Variants in GAB2 observed in about 807,000 individuals in gnomAD.
GAB2 encodes GRB2-associated-binding protein 2.
GAB2 carries 26 observed loss-of-function variants against 65.5 expected under a neutral mutation model. The ratio of observed to expected loss-of-function variants is 0.40; its 90% CI spans 0.29 to 0.55. The LOEUF (loss-of-function observed/expected upper bound fraction) is 0.55, where lower values mean the gene tolerates loss of function less well. Among genes scored for constraint, GAB2 ranks in the 20% least tolerant of loss-of-function variants. The probability of loss-of-function intolerance (pLI) is 0.53; values close to 1 mark genes in which losing one functional copy is unlikely to be tolerated. For synonymous variants in GAB2, 321 were observed against 329.6 expected, an observed-to-expected ratio of 0.97 and a Z score of 0.28; for missense variants, 884 against 875.8, an observed-to-expected ratio of 1.01 and a Z score of -0.12.
intron 1 of GAB2, among the ~76,000 whole-genome samples, chr11:78,365,016 C>G (rs1218916198): frequency 6.6e-6 from 1 of 151,946 alleles, no homozygotes; most frequent in African/African-American, 2.4e-5. Context: ...TTTTGGGGAA[C>G]AGGTGTTATT....
At chr11:78,263,588 G>A (rs866143361) in intron 2 of GAB2, among the ~76,000 whole-genome samples, 5 of 149,814 alleles carry the variant, frequency 3.3e-5, no homozygotes, top group Middle Eastern at 6.9e-3. Context: ...AGCCGAGATC[G>A]CGCCACTGCA....
intron 3 of GAB2, among the ~76,000 whole-genome samples, chr11:78,227,445 A>G (rs144872646): frequency 1.6e-3 from 251 of 152,264 alleles, no homozygotes; most frequent in African/African-American, 5.6e-3. Context: ...CTCTGAGTCT[A>G]TTCTGCCACT....
intron 1 of GAB2, among the ~76,000 whole-genome samples, chr11:78,415,309 G>A (rs949284849): frequency 6.6e-6 from 1 of 152,188 alleles, no homozygotes; most frequent in East Asian, 1.9e-4. Flanking sequence ...CGCCTATGAT[G>A]TATACCAGAA....
chr11:78,272,536 A>T (rs1200978917), intron 2 of GAB2, among the ~76,000 whole-genome samples: 1 of 152,170 alleles, frequency 6.6e-6, no homozygotes, highest in Non-Finnish European at 1.5e-5. Context: ...GGGGGAAGAA[A>T]TTTCTAAGAA....
At chr11:78,265,117 C>T (rs1476993664) in intron 2 of GAB2, among the ~76,000 whole-genome samples, 2 of 151,524 alleles carry the variant, frequency 1.3e-5, no homozygotes, top group African/African-American at 4.8e-5. Context: ...TTATCCAAGA[C>T]CACGTTTAGA....
At chr11:78,229,023 T>C (rs1864764314) in intron 3 of GAB2, among the ~76,000 whole-genome samples, 1 of 152,192 alleles carries the variant, frequency 6.6e-6, no homozygotes, top group South Asian at 2.1e-4. Flanking sequence ...AGATGCCACC[T>C]GCCCAGTGAG....
intron 4 of GAB2, among the ~76,000 whole-genome samples, chr11:78,226,199 G>A (rs577079124): frequency 1.1e-3 from 162 of 152,236 alleles, no homozygotes; most frequent in African/African-American, 3.8e-3. Flanking sequence ...TTATACTGTG[G>A]TTAATCAAGA....
intron 1 of GAB2, among the ~76,000 whole-genome samples, chr11:78,357,837 A>T (rs1032611827): frequency 1.3e-5 from 2 of 152,210 alleles, no homozygotes; most frequent in South Asian, 4.1e-4. Context: ...ACACTTTTAC[A>T]CTGTTGGTGG....
At chr11:78,300,695 G>GTTTTTTTTTTTTTTTT (rs769243672) in intron 1 of GAB2, among the ~76,000 whole-genome samples, 2 of 113,252 alleles carry the variant, frequency 1.8e-5, no homozygotes, top group East Asian at 2.9e-4. Flanking sequence ...GTTTTTTTTT[G>GTTTTTTTTTTTTTTTT]TTTTTTTTTT....
At chr11:78,364,645 C>T (rs1434928851) in intron 1 of GAB2, among the ~76,000 whole-genome samples, 1 of 152,144 alleles carries the variant, frequency 6.6e-6, no homozygotes, top group Non-Finnish European at 1.5e-5. Context: ...AGCCATCCCC[C>T]CAAATTCCTC....
chr11:78,223,586 T>C lies in GAB2; in HGVS notation c.1393A>G (p.Met465Val), dbSNP rs1242792675. 1 of 1,613,792 alleles carries C rather than the reference T, an allele frequency of 6.2e-7. No homozygotes were observed. The highest frequency in any genetic ancestry group is 1.1e-5 in the South Asian group (1 of 91,002). Residue 465 changes from methionine (M) to valine (V), a missense_variant, in exon 6 of 10, where the codon ATG becomes GTG. Physicochemically the swap from Met to Val is conservative, Grantham distance 21. Coordinates refer to ENST00000361507, the MANE Select transcript of GAB2 (RefSeq NM_080491.3). ...TGGGAATTATCACCTGCTCGTTCCA[T>C]GGCCAACAGGGTGGAAGAACCTGGA... ...MNPGSSTLLA[M>V]ERAGDNSQSV...
intron 1 of GAB2, among the ~76,000 whole-genome samples, chr11:78,401,665 GTATATA>G (rs1337226328): frequency 6.6e-6 from 1 of 152,018 alleles, no homozygotes; most frequent in East Asian, 1.9e-4. Context: ...GTGCGTGTGT[GTATATA>G]TATGTATACC....
Position 78,292,897 on chromosome 11 carries a change from C to CA in GAB2, c.76-11997dup, listed in dbSNP as rs370346920. ...TGCAAGGTAAATAGGATCCTCTTAA[C>CA]AGGTGAGGAAAAAGAAGTTCATAGA... On this transcript the variant is annotated intron_variant, in intron 1 of 9. Coordinates refer to ENST00000361507, the MANE Select transcript of GAB2 (RefSeq NM_080491.3). Among the ~76,000 whole-genome samples, 481 of 152,234 alleles carry CA rather than the reference C, an allele frequency of 3.2e-3. 1 individual carries two copies. The highest frequency in any genetic ancestry group is 0.01 in the Middle Eastern group (3 of 294).
intron 1 of GAB2, among the ~76,000 whole-genome samples, chr11:78,360,038 A>G (rs182772020): frequency 2.6e-3 from 396 of 152,326 alleles, no homozygotes; most frequent in Non-Finnish European, 4.3e-3. Flanking sequence ...ACAGAGGGAC[A>G]GAAGAGAGAG....
chr11:78,255,735 C>T (rs901219094), intron 2 of GAB2, among the ~76,000 whole-genome samples: 11 of 152,232 alleles, frequency 7.2e-5, no homozygotes, highest in Admixed American at 6.5e-4. Flanking sequence ...GGAGTACATT[C>T]TACATGGCCA....
chr11:78,276,682 T>G (rs1000145139), intron 2 of GAB2, among the ~76,000 whole-genome samples: 1 of 152,218 alleles, frequency 6.6e-6, no homozygotes, highest in Non-Finnish European at 1.5e-5. Flanking sequence ...AATGTGTGAA[T>G]GAACAAATGA....
intron 1 of GAB2, among the ~76,000 whole-genome samples, chr11:78,416,095 A>AATAT (rs1265939484): frequency 1.3e-5 from 2 of 152,202 alleles, no homozygotes; most frequent in African/African-American, 4.8e-5. Context: ...TCCTAATTAA[A>AATAT]ATATTCAACC....
rs761747066 is a variant in GAB2, at chr11:78,226,937, G to C, written c.735C>G (p.Val245=). 1.2e-6 allele frequency: 2 copies of C among 1,613,774 alleles called. No individual in the cohort carries two copies. Among genetic ancestry groups the C allele is most frequent in the Non-Finnish European group, 1.7e-6 (2 of 1,179,746 alleles). The change falls in exon 4 of 10, where the codon GTC becomes GTG. Residue 245 remains valine (V), a synonymous_variant. Transcript: ENST00000361507. ...GCTTGGGAAGGCTATAGAAGCCATG[G>C]ACTTGACCACTGATCCCGTTGACAC... ...GHCVNGISGQ[V]HGFYSLPKPS... is the part of the protein sequence containing the mutation.
chr11:78,221,150 T>A (rs530991813), intron 8 of GAB2, among the ~76,000 whole-genome samples: 11 of 152,244 alleles, frequency 7.2e-5, no homozygotes, highest in Non-Finnish European at 1.6e-4. Flanking sequence ...GTGATAGTCC[T>A]GTGTTCTGTT....
Sources: gnomAD v4.1 joint callset for allele counts (sites outside exome capture counted in the v4.1 genomes callset) on GRCh38, gnomAD v4.1.1 for gene constraint, MANE v1.5 for transcripts, NCBI Gene and HGNC (gene_info 2026-07-23, HGNC 2026-07-21) for gene names.